Variants in ARNT2 observed in about 807,000 individuals in gnomAD.
ARNT2 encodes ARNT protein 2.
In ARNT2, 36 loss-of-function variants were observed where a neutral mutation model predicts 91.7. The ratio of observed to expected loss-of-function variants is 0.39; its 90% confidence interval spans 0.30 to 0.52. The LOEUF (loss-of-function observed/expected upper bound fraction) is 0.52, where lower values mean the gene tolerates loss of function less well. Ranked by LOEUF, ARNT2 falls within the 20% of genes least tolerant of loss-of-function variation. The pLI is 0.72. For missense variants in ARNT2, 775 were observed against 939.3 expected, an observed-to-expected ratio of 0.83 and a Z score of 2.29; for synonymous variants, 365 against 347.1, an observed-to-expected ratio of 1.05 and a Z score of -0.57.
At chr15:80,559,464 G>A (rs923638171) in intron 11 of ARNT2, among the ~76,000 whole-genome samples, 2 of 152,206 alleles carry the variant, frequency 1.3e-5, no homozygotes, top group Middle Eastern at 3.2e-3. Context: ...CCAAGGTGGG[G>A]GTCAAATGTT....
chr15:80,460,626 G>A (rs1406202726), intron 3 of ARNT2, among the ~76,000 whole-genome samples: 9 of 152,288 alleles, frequency 5.9e-5, no homozygotes, highest in Non-Finnish European at 8.8e-5. Flanking sequence ...GCCTACATTC[G>A]AAGTTTCCTT....
At chr15:80,422,271 A>G (rs1030430661) in intron 1 of ARNT2, among the ~76,000 whole-genome samples, 5 of 152,230 alleles carry the variant, frequency 3.3e-5, no homozygotes, top group Non-Finnish European at 4.4e-5. Flanking sequence ...TCAAACCTTA[A>G]CTAGATGTAG....
intron 5 of ARNT2, among the ~76,000 whole-genome samples, chr15:80,478,654 G>A (rs1896842563): frequency 6.6e-6 from 1 of 152,188 alleles, no homozygotes; most frequent in Non-Finnish European, 1.5e-5. Context: ...GCAGTCATAG[G>A]GTGTGATGCG....
chr15:80,581,899 C>G (rs1399892154), intron 17 of ARNT2, among the ~76,000 whole-genome samples: 1 of 152,216 alleles, frequency 6.6e-6, no homozygotes, highest in African/African-American at 2.4e-5. Flanking sequence ...TTCTCAGGAT[C>G]CTGGGCCTTG....
intron 11 of ARNT2, among the ~76,000 whole-genome samples, chr15:80,558,116 A>AT (rs1898232649): frequency 1.3e-5 from 2 of 151,950 alleles, no homozygotes; most frequent in Non-Finnish European, 2.9e-5. Flanking sequence ...CACTCTTCAC[A>AT]TTACTGACAT....
chr15:80,561,692 G>A (rs1898356491), intron 11 of ARNT2, among the ~76,000 whole-genome samples: 1 of 152,110 alleles, frequency 6.6e-6, no homozygotes, highest in South Asian at 2.1e-4. Flanking sequence ...ACTCTGCCCA[G>A]CCTGGAATGT....
At chr15:80,439,925 A>G (rs1039706671) in intron 1 of ARNT2, among the ~76,000 whole-genome samples, 1 of 152,056 alleles carries the variant, frequency 6.6e-6, no homozygotes, top group Non-Finnish European at 1.5e-5. Flanking sequence ...TCTTTCTCGT[A>G]TTTTTGAATG....
intron 5 of ARNT2, among the ~76,000 whole-genome samples, chr15:80,504,679 G>A (rs1321485278): frequency 6.6e-6 from 1 of 151,978 alleles, no homozygotes; most frequent in Non-Finnish European, 1.5e-5. Flanking sequence ...GAGGTGGGAG[G>A]ATTGCTTGAG....
At chr15:80,526,532 A>G (rs1034360130) in intron 8 of ARNT2, among the ~76,000 whole-genome samples, 4 of 152,220 alleles carry the variant, frequency 2.6e-5, no homozygotes, top group African/African-American at 9.6e-5. Context: ...GGAAAATGCC[A>G]GGTTAACTGG....
chr15:80,575,960 A>G (rs1013228821), intron 14 of ARNT2, among the ~76,000 whole-genome samples: 4 of 152,182 alleles, frequency 2.6e-5, no homozygotes, highest in Non-Finnish European at 4.4e-5. Flanking sequence ...GCAAACTTTT[A>G]GTTTCTGTTT....
intron 3 of ARNT2, 76 bp from the exon 4 acceptor site, chr15:80,470,142 T>TA: frequency 7.1e-7 from 1 of 1,400,886 alleles, no homozygotes; most frequent in South Asian, 1.3e-5. Flanking sequence ...TTAATGGTTT[T>TA]ATCCCATTAG....
chr15:80,574,255 TGTCTC>T (rs1480156590), intron 13 of ARNT2, 35 bp downstream of exon 13: 1 of 1,596,486 alleles, frequency 6.3e-7, no homozygotes, highest in South Asian at 1.1e-5. Flanking sequence ...CTGTTGGAAT[TGTCTC>T]CAGCCCAATG....
chr15:80,407,884 T>A (rs777619563), intron 1 of ARNT2, among the ~76,000 whole-genome samples: 11 of 152,252 alleles, frequency 7.2e-5, no homozygotes, highest in Non-Finnish European at 1.5e-4. Context: ...TCCATCTTAA[T>A]CTTTTGTAAT....
rs114018844 is a variant in ARNT2 at position 80,545,357 on chromosome 15, A to T, written c.878-5842A>T. ...CAAGAAACTGGACATCCTTAAAGGC[A>T]CATGTGTGCTGTTCATGTGAGTCCT... is the stretch of plus-strand genomic sequence containing the variant. On this transcript the variant is annotated intron_variant, in intron 8 of 18. Transcript: ENST00000303329. Among the ~76,000 whole-genome samples the T allele has an allele frequency of 5.7e-3, 872 of 152,374 alleles. 13 individuals are homozygous for T. Among genetic ancestry groups the T allele is most frequent in the African/African-American group, 0.019 (805 of 41,578 alleles).
At chr15:80,520,451 C>T (rs967383599) in intron 8 of ARNT2, among the ~76,000 whole-genome samples, 2 of 151,916 alleles carry the variant, frequency 1.3e-5, no homozygotes, top group Non-Finnish European at 1.5e-5. Flanking sequence ...TTAAGCAAGA[C>T]GAGTAAATTA....
At chr15:80,423,643 G>A (rs2141563385) in intron 1 of ARNT2, among the ~76,000 whole-genome samples, 1 of 152,250 alleles carries the variant, frequency 6.6e-6, no homozygotes, top group Non-Finnish European at 1.5e-5. Flanking sequence ...ATCCATATTA[G>A]TAAGTGAGTT....
At chr15:80,424,212 G>A (rs190993150) in intron 1 of ARNT2, among the ~76,000 whole-genome samples, 2 of 152,190 alleles carry the variant, frequency 1.3e-5, no homozygotes, top group Non-Finnish European at 2.9e-5. Flanking sequence ...TACCTGGGCC[G>A]CAAGGACTGT....
intron 5 of ARNT2, among the ~76,000 whole-genome samples, chr15:80,491,194 G>T (rs1322371532): frequency 6.6e-6 from 1 of 152,098 alleles, no homozygotes; most frequent in Non-Finnish European, 1.5e-5. Context: ...TAGTTTTCAC[G>T]CTGCTGATAA....
intron 17 of ARNT2, among the ~76,000 whole-genome samples, chr15:80,588,680 C>T (rs1272088224): frequency 6.6e-6 from 1 of 152,148 alleles, no homozygotes; most frequent in African/African-American, 2.4e-5. Context: ...ACAGACTGAC[C>T]CTTTTCTCTA....
Sources: gnomAD v4.1 joint callset for allele counts (sites outside exome capture counted in the v4.1 genomes callset) on GRCh38, gnomAD v4.1.1 for gene constraint, MANE v1.5 for transcripts, NCBI Gene and HGNC (gene_info 2026-07-23, HGNC 2026-07-21) for gene names.